Variants in SYNE1 observed in about 807,000 individuals in gnomAD.
SYNE1 encodes the protein nesprin-1.
A neutral mutation model predicts 1,111.0 loss-of-function variants in SYNE1; 616 were observed. That is an observed-to-expected ratio of 0.55 (90% CI 0.52 to 0.59). SYNE1 has a LOEUF of 0.59. Ranked by LOEUF, SYNE1 falls within the 20% of genes least tolerant of loss-of-function variation. SYNE1 has a pLI of 0.00. For missense variants in SYNE1, 10,006 were observed against 10,417.0 expected, an observed-to-expected ratio of 0.96 and a Z score of 1.72; for synonymous variants, 3,855 against 3,825.8, an observed-to-expected ratio of 1.01 and a Z score of -0.28.
intron 58 of SYNE1, among the ~76,000 whole-genome samples, chr6:152,375,262 G>A (rs2097260153): frequency 6.6e-6 from 1 of 152,118 alleles, no homozygotes; most frequent in Non-Finnish European, 1.5e-5. Context: ...TTTAAATGGA[G>A]CAAATTTTCA....
At chr6:152,184,445 A>G (rs1468792023) in intron 128 of SYNE1, among the ~76,000 whole-genome samples, 1 of 131,748 alleles carries the variant, frequency 7.6e-6, no homozygotes, top group African/African-American at 2.8e-5. Flanking sequence ...TTCAAAAAAA[A>G]AAAAAAAAAA....
intron 116 of SYNE1, among the ~76,000 whole-genome samples, chr6:152,225,303 G>GCACA (rs71268493): frequency 1.4e-3 from 158 of 109,744 alleles, no homozygotes; most frequent in African/African-American, 3.3e-3. Context: ...ACACACACAC[G>GCACA]CACACACACA....
At chr6:152,176,800 T>C (rs1304484333) in intron 129 of SYNE1, among the ~76,000 whole-genome samples, 2 of 152,138 alleles carry the variant, frequency 1.3e-5, no homozygotes, top group African/African-American at 2.4e-5. Flanking sequence ...AGGATGCTGC[T>C]TCCTATTTAC....
Position 152,336,911 on chromosome 6 carries a change from A to G in SYNE1, c.12458T>C (p.Leu4153Pro). ...WIYLQDADQQ[L>P]QNMKRRHSEL... Reference sequence around the variant, plus strand: ...AGAGTGCCTCCTCTTCATGTTCTGCAGTTGCTGATCAGCATCTTGCAGGTA... The same window carrying G: ...AGAGTGCCTCCTCTTCATGTTCTGCGGTTGCTGATCAGCATCTTGCAGGTA... The change falls in exon 76 of 146, where the codon CTG becomes CCG. Residue 4153 changes from leucine (L) to proline (P), a missense_variant. By Grantham distance (98) the Leu-to-Pro change is moderately conservative. Transcript: ENST00000367255. The G allele has an allele frequency of 6.2e-7, 1 of 1,614,202 alleles. No homozygotes were observed. The highest frequency in any genetic ancestry group is 8.5e-7 in the Non-Finnish European group (1 of 1,180,042).
At chr6:152,363,344 A>G (rs2096975180) in intron 63 of SYNE1, among the ~76,000 whole-genome samples, 2 of 148,622 alleles carry the variant, frequency 1.3e-5, no homozygotes, top group South Asian at 4.3e-4. Flanking sequence ...AATACAAAAA[A>G]TTAGCCGGGC....
rs572915480 is a variant in SYNE1, at chr6:152,523,175, AT to A, written c.226-2634del. ...TCTAGTTTTTTTTTCTAGAATTTGT[AT>A]GGGGTTTCAGGTCTTAGATTTAAGT... On this transcript the variant is annotated intron_variant, in intron 5 of 145. Transcript: ENST00000367255. Among the ~76,000 whole-genome samples, 392 of 151,714 alleles carry A rather than the reference AT, an allele frequency of 2.6e-3. 3 individuals carry two copies. The highest frequency in any genetic ancestry group is 7.5e-3 in the Admixed American group (114 of 15,232).
intron 3 of SYNE1, among the ~76,000 whole-genome samples, chr6:152,615,728 T>C (rs142633308): frequency 6.6e-6 from 1 of 152,350 alleles, no homozygotes; most frequent in African/African-American, 2.4e-5. Context: ...AATTATATAG[T>C]CAAAGAAGTG....
At chr6:152,323,387 C>T (rs954232137) in intron 82 of SYNE1, 91 bp downstream of exon 82, 6 of 1,566,644 alleles carry the variant, frequency 3.8e-6, no homozygotes, top group South Asian at 2.3e-5. Flanking sequence ...TGCAGTGAGC[C>T]GAGATCACAC....
At chr6:152,377,115 A>G (rs1013684154) in intron 56 of SYNE1, among the ~76,000 whole-genome samples, 4 of 152,122 alleles carry the variant, frequency 2.6e-5, no homozygotes, top group Non-Finnish European at 4.4e-5. Flanking sequence ...TTTTCTTGCC[A>G]TGGATAGACA....
chr6:152,472,737 A>AT (rs1299760024), intron 14 of SYNE1: 5 of 654,390 alleles, frequency 7.6e-6, no homozygotes, highest in Admixed American at 2.4e-5. Flanking sequence ...TGATTTTAGT[A>AT]TTTTTTGCCT....
intron 26 of SYNE1, 91 bp from the exon 27 acceptor site, chr6:152,450,924 C>T: frequency 1.3e-6 from 2 of 1,593,446 alleles, no homozygotes; most frequent in Non-Finnish European, 1.7e-6. Context: ...GATTCCCACG[C>T]AGACTACCAA....
chr6:152,301,895 G>A lies in SYNE1; in HGVS notation c.17515C>T (p.Pro5839Ser). ...EDLDGELLPT[P>S]SAHPSVVMMT... ...ATGACCACAGAGGGGTGGGCCGAAGGCGTGGGGAGGAGCTCCCCATCCAGG... is the reference window on the plus strand; with the variant it reads ...ATGACCACAGAGGGGTGGGCCGAAGACGTGGGGAGGAGCTCCCCATCCAGG... The change falls in exon 92 of 146, where the codon CCT becomes TCT. Residue 5839 changes from proline to serine, a missense_variant. Physicochemically the swap from Pro to Ser is moderately conservative, Grantham distance 74. Transcript: ENST00000367255. The A allele has an allele frequency of 1.2e-6, 2 of 1,613,826 alleles. No individual in the cohort carries two copies. The highest frequency in any genetic ancestry group is 1.7e-6 in the Non-Finnish European group (2 of 1,179,782).
chr6:152,249,084 T>G lies in SYNE1; in HGVS notation c.19572+77A>C, dbSNP rs2088322591. ...GCCACTGTGAGCCATTAATCTTTCA[T>G]AGAATATTCAAAATTTCATAGTAAG... On this transcript the variant is annotated intron_variant, in intron 105 of 145. Transcript: ENST00000367255. The G allele has an allele frequency of 1.2e-5, 12 of 1,028,256 alleles. No homozygotes were observed. In the Admixed American group the frequency reaches 1.9e-4, roughly 16 times the overall value. The allele number at this position is 1,028,256 out of a possible 1,614,324, so 63.7% of individuals were successfully genotyped here.
chr6:152,560,223 G>A (rs1022012833), intron 3 of SYNE1, among the ~76,000 whole-genome samples: 1 of 152,062 alleles, frequency 6.6e-6, no homozygotes, highest in Admixed American at 6.6e-5. Context: ...TAAATTAGCT[G>A]GGTGTGGTGG....
At chr6:152,542,799 G>A (rs1011649503) in intron 3 of SYNE1, among the ~76,000 whole-genome samples, 4 of 152,064 alleles carry the variant, frequency 2.6e-5, no homozygotes, top group African/African-American at 9.7e-5. Flanking sequence ...AATAAAGTTA[G>A]GTAGCGGCAA....
At chr6:152,177,189 C>T (rs2066676056) in intron 129 of SYNE1, among the ~76,000 whole-genome samples, 1 of 152,046 alleles carries the variant, frequency 6.6e-6, no homozygotes, top group South Asian at 2.1e-4. Flanking sequence ...GGCCTCAAAC[C>T]TTCTTAATTT....
intron 46 of SYNE1, among the ~76,000 whole-genome samples, chr6:152,402,839 A>T (rs2097843232): frequency 6.6e-6 from 1 of 152,094 alleles, no homozygotes; most frequent in Non-Finnish European, 1.5e-5. Context: ...CTCTCTGAAG[A>T]TCCTGCTCAA....
At chr6:152,168,568 G>T (rs558822871) in intron 130 of SYNE1, among the ~76,000 whole-genome samples, 1 of 152,160 alleles carries the variant, frequency 6.6e-6, no homozygotes, top group Non-Finnish European at 1.5e-5. Flanking sequence ...CTTTTCTTGC[G>T]GGCAGTTTGT....
chr6:152,369,154 C>T lies in SYNE1; in HGVS notation c.9652-27G>A, dbSNP rs746999495. The stretch of plus-strand genomic sequence containing the variant: ...TGAAAAGCACAAGCAAGTTACTATT[C>T]AGAGGCTGGGGAAAAGCACATCGCG... On this transcript the variant is annotated intron_variant, in intron 60 of 145. Transcript: ENST00000367255. 3 of 1,610,208 alleles carry T rather than the reference C, an allele frequency of 1.9e-6. No individual in the cohort carries two copies. In the South Asian group the frequency reaches 3.3e-5, roughly 18 times the overall value.
Sources: allele counts gnomAD v4.1 joint callset (sites outside exome capture counted in the v4.1 genomes callset), GRCh38; gene constraint gnomAD v4.1.1; transcripts MANE v1.5; gene names NCBI Gene and HGNC (gene_info 2026-07-23, HGNC 2026-07-21).